The following UNC13C variants were observed in gnomAD, a reference collection of about 807,000 sequenced individuals.
The protein encoded by UNC13C is unc-13 homolog C, also known as protein unc-13 homolog C.
In UNC13C, 174 loss-of-function variants were observed where a neutral mutation model predicts 245.4. The ratio of observed to expected loss-of-function variants is 0.71; its 90% CI spans 0.63 to 0.80. The LOEUF is 0.80. UNC13C is among the 30% of genes least tolerant of loss of function. The pLI is 0.00. For missense variants in UNC13C, 2,829 were observed against 2,602.9 expected (o/e 1.09, Z -1.89); for synonymous variants, 992 against 895.1 (o/e 1.11, Z -1.93).
At chr15:54,033,094 T>C (rs1896428994) in intron 2 of UNC13C, among the ~76,000 whole-genome samples, 1 of 152,052 alleles carries the variant, frequency 6.6e-6, no homozygotes, top group Non-Finnish European at 1.5e-5. Flanking sequence ...AAGAACTTAC[T>C]CATGTAACCA....
chr15:54,472,341 A>T (rs1406844040), intron 19 of UNC13C, among the ~76,000 whole-genome samples: 1 of 151,762 alleles, frequency 6.6e-6, no homozygotes, highest in Non-Finnish European at 1.5e-5. Context: ...TGTGTTTAAC[A>T]GTTTTGCCTT....
At chr15:54,050,303 G>T (rs1897222657) in intron 2 of UNC13C, 2 of 587,038 alleles carry the variant, frequency 3.4e-6, no homozygotes, top group Admixed American at 3.8e-5. Context: ...CTGCTTGCCT[G>T]CTGTATAAAG....
At chr15:54,123,324 A>G (rs2030808259) in intron 2 of UNC13C, among the ~76,000 whole-genome samples, 1 of 151,648 alleles carries the variant, frequency 6.6e-6, no homozygotes, top group Admixed American at 6.6e-5. Context: ...AACTAGAGAG[A>G]GATGTAATGA....
intron 3 of UNC13C, among the ~76,000 whole-genome samples, chr15:54,143,248 A>C (rs1466494752): frequency 6.6e-6 from 1 of 152,098 alleles, no homozygotes; most frequent in Non-Finnish European, 1.5e-5. Flanking sequence ...CGCTTACCTT[A>C]GCTATACTTG....
rs1897041 is a variant in UNC13C, at chr15:54,013,911, C to G, written c.1008C>G (p.Ser336Arg). ...AAGAAAGATTTGAATATGTTGAAAGCGTGGTGTACCAAATTCTAATAGATA... is the reference window on the plus strand; with the variant it reads ...AAGAAAGATTTGAATATGTTGAAAGGGTGGTGTACCAAATTCTAATAGATA... ...VTEERFEYVE[S>R]VVYQILIDKM... The change falls in exon 2 of 33, where the codon AGC becomes AGG. Residue 336 changes from serine to arginine, a missense_variant. By Grantham distance (110) the Ser-to-Arg change is moderately radical. Coordinates refer to ENST00000260323, the MANE Select transcript of UNC13C (RefSeq NM_001080534.3). 2 of 1,612,710 alleles carry G rather than the reference C, an allele frequency of 1.2e-6. No individual in the cohort carries two copies. Among genetic ancestry groups the G allele is most frequent in the Non-Finnish European group, 1.7e-6 (2 of 1,179,538 alleles).
At chr15:54,026,326 A>G (rs185883502) in intron 2 of UNC13C, among the ~76,000 whole-genome samples, 1 of 152,324 alleles carries the variant, frequency 6.6e-6, no homozygotes, top group East Asian at 1.9e-4. Context: ...GCATATGATG[A>G]GATCAGGTGA....
chr15:54,299,282 G>A (rs562255375), intron 12 of UNC13C, among the ~76,000 whole-genome samples: 1 of 152,270 alleles, frequency 6.6e-6, no homozygotes, highest in South Asian at 2.1e-4. Flanking sequence ...AGTAGCAGTT[G>A]CTAAACTTAG....
At chr15:54,511,510 G>A (rs1894737869) in intron 23 of UNC13C, among the ~76,000 whole-genome samples, 1 of 152,080 alleles carries the variant, frequency 6.6e-6, no homozygotes, top group South Asian at 2.1e-4. Flanking sequence ...AACTTTAGCA[G>A]CAAGTCTCCA....
At chr15:54,044,513 A>T in intron 2 of UNC13C, 1 of 241,188 alleles carries the variant, frequency 4.1e-6, no homozygotes, top group South Asian at 3.9e-5. Flanking sequence ...ACTGTTTTCC[A>T]AAGTGGCTGC....
chr15:54,369,081 G>A (rs1263437835), intron 17 of UNC13C, among the ~76,000 whole-genome samples: 2 of 151,624 alleles, frequency 1.3e-5, no homozygotes, highest in East Asian at 3.9e-4. Context: ...AAAATGAAAG[G>A]AAAAAATACA....
intron 4 of UNC13C, among the ~76,000 whole-genome samples, chr15:54,177,959 A>G (rs963784135): frequency 6.6e-6 from 1 of 151,978 alleles, no homozygotes; most frequent in Non-Finnish European, 1.5e-5. Flanking sequence ...TTTGCTGCCT[A>G]TGATCACACA....
At chr15:54,359,507 C>T (rs958748764) in intron 17 of UNC13C, among the ~76,000 whole-genome samples, 21 of 151,950 alleles carry the variant, frequency 1.4e-4, no homozygotes, top group African/African-American at 4.8e-4. Context: ...ATTATTGCCT[C>T]AGTCTTCTTC....
intron 19 of UNC13C, among the ~76,000 whole-genome samples, chr15:54,477,221 G>C (rs1433757681): frequency 8.5e-6 from 1 of 117,294 alleles, no homozygotes; most frequent in African/African-American, 3.4e-5. Flanking sequence ...GAGACGATGG[G>C]GTTTTCTAGA....
the UNC13C span, among the ~76,000 whole-genome samples, chr15:53,845,822 C>T: frequency 6.6e-6 from 1 of 152,094 alleles, no homozygotes; most frequent in African/African-American, 2.4e-5. Context: ...GTGGCAGACC[C>T]AATTGACACT....
intron 19 of UNC13C, among the ~76,000 whole-genome samples, chr15:54,446,572 C>T (rs993653554): frequency 1.3e-5 from 2 of 152,154 alleles, no homozygotes; most frequent in African/African-American, 2.4e-5. Flanking sequence ...AATGGGAGTT[C>T]ACTCATGATT....
At chr15:54,373,081 C>T (rs914129741) in intron 17 of UNC13C, among the ~76,000 whole-genome samples, 3 of 152,048 alleles carry the variant, frequency 2.0e-5, no homozygotes, top group East Asian at 1.9e-4. Flanking sequence ...CCAGTTGAAG[C>T]AAAGCAACTG....
At chr15:54,205,084 A>T (rs545966438) in intron 4 of UNC13C, among the ~76,000 whole-genome samples, 29 of 152,168 alleles carry the variant, frequency 1.9e-4, no homozygotes, top group African/African-American at 7.0e-4. Flanking sequence ...GAGAACTGAA[A>T]GAGTTTTAAA....
intron 18 of UNC13C, among the ~76,000 whole-genome samples, chr15:54,413,564 T>G (rs940921397): frequency 6.6e-6 from 1 of 152,188 alleles, no homozygotes; most frequent in Non-Finnish European, 1.5e-5. Context: ...GTATTAAATT[T>G]TTTAGAAAAG....
At chr15:54,033,719 G>A (rs1364654652) in intron 2 of UNC13C, among the ~76,000 whole-genome samples, 1 of 152,154 alleles carries the variant, frequency 6.6e-6, no homozygotes, top group Admixed American at 6.5e-5. Flanking sequence ...ATGTACCTGG[G>A]TAATTTTTAA....
Sources: allele counts gnomAD v4.1 joint callset (sites outside exome capture counted in the v4.1 genomes callset), GRCh38; gene constraint gnomAD v4.1.1; transcripts MANE v1.5; gene names NCBI Gene and HGNC (gene_info 2026-07-23, HGNC 2026-07-21).